The following GPATCH2 variants were observed in gnomAD, a reference collection of about 807,000 sequenced individuals.
The protein encoded by GPATCH2 is G-patch domain containing 2, also known as G patch domain-containing protein 2.
GPATCH2 carries 51 observed loss-of-function variants against 58.0 expected under a neutral mutation model. The observed-to-expected ratio is 0.88, with a 90% confidence interval of 0.70 to 1.11. The LOEUF is 1.11. GPATCH2 is among the 50% of genes most tolerant of loss of function. GPATCH2 has a pLI of 0.00. For synonymous variants in GPATCH2, 222 were observed against 218.5 expected (o/e 1.02, Z -0.14); for missense variants, 625 against 652.2 (o/e 0.96, Z 0.45).
chr1:217,557,147 C>G (rs1665674466), intron 5 of GPATCH2, among the ~76,000 whole-genome samples: 1 of 152,132 alleles, frequency 6.6e-6, no homozygotes, highest in Non-Finnish European at 1.5e-5. Context: ...TGGTTCACGC[C>G]TGTAATCCCA....
At chr1:217,512,853 A>G (rs1233680487) in intron 6 of GPATCH2, among the ~76,000 whole-genome samples, 7 of 152,250 alleles carry the variant, frequency 4.6e-5, no homozygotes, top group Non-Finnish European at 8.8e-5. Flanking sequence ...TGCAATGAAC[A>G]TATCAGCTGA....
intron 5 of GPATCH2, among the ~76,000 whole-genome samples, chr1:217,574,687 T>A (rs1364626274): frequency 1.3e-5 from 2 of 152,166 alleles, no homozygotes; most frequent in Non-Finnish European, 2.9e-5. Flanking sequence ...CCCATAAACT[T>A]TTCCAGGTAA....
At chr1:217,550,218 A>AT in intron 5 of GPATCH2, among the ~76,000 whole-genome samples, 1 of 152,268 alleles carries the variant, frequency 6.6e-6, no homozygotes, top group South Asian at 2.1e-4. Flanking sequence ...TTCCTCTATG[A>AT]TTAATAATAT....
intron 5 of GPATCH2, among the ~76,000 whole-genome samples, chr1:217,584,462 G>A (rs1176412746): frequency 6.6e-6 from 1 of 151,388 alleles, no homozygotes; most frequent in African/African-American, 2.4e-5. Flanking sequence ...CCGGGAGGCG[G>A]AGGTTGCAGT....
At chr1:217,573,314 T>C (rs976113067) in intron 5 of GPATCH2, among the ~76,000 whole-genome samples, 2 of 152,128 alleles carry the variant, frequency 1.3e-5, no homozygotes, top group African/African-American at 4.8e-5. Flanking sequence ...ATGAGGAAAG[T>C]TGCATTAGAA....
intron 5 of GPATCH2, among the ~76,000 whole-genome samples, chr1:217,523,943 C>T (rs1259042854): frequency 1.6e-5 from 2 of 127,382 alleles, no homozygotes; most frequent in East Asian, 2.4e-4. Flanking sequence ...GTTGGCCGGG[C>T]GGGGGGCTGA....
At chr1:217,560,961 T>C (rs541550518) in intron 5 of GPATCH2, among the ~76,000 whole-genome samples, 2 of 152,310 alleles carry the variant, frequency 1.3e-5, no homozygotes, top group Admixed American at 6.5e-5. Flanking sequence ...TTTAATGGGG[T>C]AGGGAAGAAG....
intron 2 of GPATCH2, 142 bp downstream of exon 2, chr1:217,619,641 A>C: frequency 2.4e-6 from 1 of 409,884 alleles, no homozygotes; most frequent in Non-Finnish European, 4.2e-6. Context: ...AGTATAAGGA[A>C]ATATAACCAT....
intron 5 of GPATCH2, among the ~76,000 whole-genome samples, chr1:217,607,104 T>C (rs1389453338): frequency 6.6e-6 from 1 of 152,188 alleles, no homozygotes; most frequent in Non-Finnish European, 1.5e-5. Flanking sequence ...CTAAATACAG[T>C]CAATCTCGTT....
rs113401357 is a variant in GPATCH2 at position 217,500,511 on chromosome 1, C to T, written c.1167-2116G>A. On this transcript the variant is annotated intron_variant, in intron 6 of 9. Transcript: ENST00000366935. ...TCAAATAGTGAGAATGGTTGAGAAGCGTATTGTTTGAGTTGATTTTTTCCC... is the reference window on the plus strand; with the variant it reads ...TCAAATAGTGAGAATGGTTGAGAAGTGTATTGTTTGAGTTGATTTTTTCCC... Among the ~76,000 whole-genome samples, 717 of 152,096 alleles carry T rather than the reference C, an allele frequency of 4.7e-3. 2 individuals carry two copies. The highest frequency in any genetic ancestry group is 0.016 in the African/African-American group (678 of 41,532).
intron 5 of GPATCH2, among the ~76,000 whole-genome samples, chr1:217,576,776 T>C (rs994522004): frequency 6.6e-6 from 1 of 152,164 alleles, no homozygotes; most frequent in Non-Finnish European, 1.5e-5. Flanking sequence ...GGAAAAAAAG[T>C]CAAGGAGTCA....
chr1:217,504,310 A>G (rs915006309), intron 6 of GPATCH2, among the ~76,000 whole-genome samples: 8 of 152,142 alleles, frequency 5.3e-5, no homozygotes, highest in Non-Finnish European at 8.8e-5. Context: ...TCCTTTGGGC[A>G]GCCTGTTGAA....
intron 9 of GPATCH2, among the ~76,000 whole-genome samples, chr1:217,437,961 C>T (rs1284041091): frequency 1.3e-5 from 2 of 152,144 alleles, no homozygotes; most frequent in Admixed American, 1.3e-4. Context: ...CAGCAGGGGT[C>T]GACAGACACC....
At chr1:217,544,907 TC>T (rs1664954839) in intron 5 of GPATCH2, among the ~76,000 whole-genome samples, 1 of 152,172 alleles carries the variant, frequency 6.6e-6, no homozygotes. Context: ...GAAATGTCTT[TC>T]CTCCCATCTA....
In GPATCH2 at chr1:217,598,111, C is replaced by T. The variant is rs556151663; in HGVS notation, c.1098+12210G>A. ...GCCTATAAAACATAGGGTCGGTGGG[C>T]GCAGTGGCTCACATATGTAATCCAA... is the stretch of plus-strand genomic sequence containing the variant. On this transcript the variant is annotated intron_variant, in intron 5 of 9. Transcript: ENST00000366935. Among the ~76,000 whole-genome samples, 25 of 152,134 alleles carry T rather than the reference C, an allele frequency of 1.6e-4. No individual in the cohort carries two copies. The South Asian group carries it at 1.7e-3, about 10-fold the overall frequency.
intron 8 of GPATCH2, among the ~76,000 whole-genome samples, chr1:217,491,311 A>G (rs1661722457): frequency 6.6e-6 from 1 of 152,178 alleles, no homozygotes; most frequent in East Asian, 1.9e-4. Context: ...ACTCATTTAT[A>G]TGTTATTAGA....
chr1:217,523,456 C>T (rs2102601396), intron 5 of GPATCH2, among the ~76,000 whole-genome samples: 1 of 151,692 alleles, frequency 6.6e-6, no homozygotes, highest in Admixed American at 6.5e-5. Flanking sequence ...CCTGAGTGGA[C>T]ACAGCACATG....
intron 5 of GPATCH2, among the ~76,000 whole-genome samples, chr1:217,539,815 C>A (rs1664646467): frequency 2.0e-5 from 3 of 152,100 alleles, no homozygotes; most frequent in Non-Finnish European, 1.5e-5. Flanking sequence ...GGCTTCAATG[C>A]ATAGGAAACA....
At chr1:217,587,129 C>T (rs915849390) in intron 5 of GPATCH2, among the ~76,000 whole-genome samples, 5 of 151,990 alleles carry the variant, frequency 3.3e-5, no homozygotes, top group African/African-American at 1.2e-4. Flanking sequence ...TAGTTAAAAG[C>T]AGTAAAGAGA....
Sources: allele counts gnomAD v4.1 joint callset (sites outside exome capture counted in the v4.1 genomes callset), GRCh38; gene constraint gnomAD v4.1.1; transcripts MANE v1.5; gene names NCBI Gene and HGNC (gene_info 2026-07-23, HGNC 2026-07-21).